Variants in SMARCA4 observed in about 807,000 individuals in gnomAD.
SMARCA4 encodes the protein SWI/SNF-related matrix-associated actin-dependent regulator of chromatin subfamily A member 4.
In SMARCA4, 31 loss-of-function variants were observed where a neutral mutation model predicts 193.9. That is an observed-to-expected ratio of 0.16 (90% CI 0.12 to 0.22). SMARCA4 has a LOEUF of 0.22. Ranked by LOEUF, SMARCA4 falls within the 10% of genes least tolerant of loss-of-function variation. SMARCA4 has a pLI of 1.00. For missense variants in SMARCA4, 1,148 were observed against 2,296.0 expected (o/e 0.50, Z 10.22); for synonymous variants, 942 against 933.1 (o/e 1.01, Z -0.17).
chr19:10,982,416 G>A (rs1316108538), intron 1 of SMARCA4, among the ~76,000 whole-genome samples: 4 of 152,110 alleles, frequency 2.6e-5, no homozygotes, highest in East Asian at 3.9e-4. Flanking sequence ...GGAGGTTGCC[G>A]TAAGCCAAGA....
intron 1 of SMARCA4, among the ~76,000 whole-genome samples, chr19:10,972,315 C>T (rs183714645): frequency 1.2e-3 from 179 of 151,942 alleles, no homozygotes; most frequent in Admixed American, 2.9e-3. Context: ...AGGCTGGTCT[C>T]GAACCCCTGA....
intron 30 of SMARCA4, among the ~76,000 whole-genome samples, chr19:11,048,047 G>A (rs1028676757): frequency 6.6e-5 from 10 of 152,054 alleles, no homozygotes; most frequent in South Asian, 2.1e-4. Flanking sequence ...CCTCGCCACC[G>A]ACTGCATGGC....
rs1460950021 is a variant in SMARCA4 at position 11,003,126 on chromosome 19, G to C, written c.1910G>C (p.Gly637Ala). The C allele has an allele frequency of 1.2e-6, 2 of 1,614,146 alleles. No individual in the cohort carries two copies. Among genetic ancestry groups the C allele is most frequent in the East Asian group, 2.2e-5 (1 of 44,884 alleles). The change falls in exon 12 of 35, where the codon GGG (glycine) becomes GCG (alanine). Residue 637 changes from glycine to alanine, a missense_variant. This residue lies in a region of SMARCA4 where 115 missense variants were observed against 175.1 expected (regional missense o/e 0.66). Coordinates refer to ENST00000344626, the MANE Select transcript of SMARCA4 (RefSeq NM_003072.5). ...ILTGTDAPKAGQLEAWLEMNP... is the reference protein window; with the variant it reads ...ILTGTDAPKAAQLEAWLEMNP... Reference sequence around the variant, plus strand: ...ACAGGCACAGATGCCCCCAAAGCCGGGCAGCTGGAGGCCTGGCTCGAGATG... The same window carrying C: ...ACAGGCACAGATGCCCCCAAAGCCGCGCAGCTGGAGGCCTGGCTCGAGATG...
At position 11,031,004 on chromosome 19, in the gene SMARCA4, C is replaced by T. The variant is rs1417146680; in HGVS notation, c.3546+111C>T. On this transcript the variant is annotated intron_variant, in intron 25 of 34. Transcript: ENST00000344626. The surrounding 1 kb of genome is among the most constrained non-coding windows in gnomAD (Gnocchi z 4.3). The stretch of plus-strand genomic sequence containing the variant: ...CCAGCCTCCTCCACATTGTCTTGGA[C>T]CCCAGGAGCCGGGAGGAGCTGCACC... 1 of 1,036,668 alleles carries T rather than the reference C, an allele frequency of 9.6e-7. No homozygotes were observed. The highest frequency in any genetic ancestry group is 1.4e-5 in the South Asian group (1 of 73,588). 64.2% of individuals were successfully genotyped at this position (1,036,668 alleles called of 1,614,324 possible). A position where few individuals can be genotyped will look rare whatever the true frequency, so the allele number is the denominator to read the frequency against.
intron 1 of SMARCA4, among the ~76,000 whole-genome samples, chr19:10,972,261 A>G (rs1480309835): frequency 6.6e-6 from 1 of 151,074 alleles, no homozygotes; most frequent in African/African-American, 2.4e-5. Flanking sequence ...GCCTGGTCCT[A>G]ATTTTTTTAT....
At chr19:11,001,518 A>G (rs540086079) in intron 11 of SMARCA4, among the ~76,000 whole-genome samples, 12 of 152,284 alleles carry the variant, frequency 7.9e-5, no homozygotes, top group African/African-American at 2.6e-4. Flanking sequence ...GAGGAGTTCA[A>G]TCAGAATTTT....
intron 11 of SMARCA4, among the ~76,000 whole-genome samples, chr19:10,999,514 T>C (rs2087422138): frequency 6.6e-6 from 1 of 152,032 alleles, no homozygotes; most frequent in Non-Finnish European, 1.5e-5. Context: ...AAAAATTAGT[T>C]GGGTGTAGTG....
intron 1 of SMARCA4, among the ~76,000 whole-genome samples, chr19:10,969,690 G>A (rs538607264): frequency 3.9e-4 from 60 of 151,900 alleles, no homozygotes; most frequent in Admixed American, 1.5e-3. Flanking sequence ...TCAGCCTCCC[G>A]AAGTGCTGGG....
At chr19:10,982,755 T>C (rs1160590658) in intron 1 of SMARCA4, among the ~76,000 whole-genome samples, 2 of 152,048 alleles carry the variant, frequency 1.3e-5, no homozygotes, top group South Asian at 2.1e-4. Flanking sequence ...CTGCCCGCCT[T>C]GGCCTCCCAA....
rs983207652 is a variant in SMARCA4 at position 10,985,058 on chromosome 19, G to T, written c.223-215G>T. Reference sequence around the variant, plus strand: ...CTTGACCACAGTCTCCCATATGCTCGTGCTCCACTGGGCGACATTTATTTT... The same window carrying T: ...CTTGACCACAGTCTCCCATATGCTCTTGCTCCACTGGGCGACATTTATTTT... On this transcript the variant is annotated intron_variant, in intron 2 of 34. Transcript: ENST00000344626. This position sits in a 1 kb window ranked among gnomAD's most constrained non-coding sequence, Gnocchi z 4.5. Among the ~76,000 whole-genome samples, 2 of 152,136 alleles carry T rather than the reference G, an allele frequency of 1.3e-5. No homozygotes were observed. The highest frequency in any genetic ancestry group is 4.8e-5 in the African/African-American group (2 of 41,424).
At chr19:11,048,829 C>T (rs1312898707) in intron 30 of SMARCA4, among the ~76,000 whole-genome samples, 3 of 152,190 alleles carry the variant, frequency 2.0e-5, no homozygotes, top group African/African-American at 7.2e-5. Context: ...CTGTGTTGAC[C>T]TCATCATACG....
chr19:11,047,327 C>T (rs2075994769), intron 30 of SMARCA4, among the ~76,000 whole-genome samples: 1 of 152,060 alleles, frequency 6.6e-6, no homozygotes, highest in Non-Finnish European at 1.5e-5. Context: ...TTGTCTCCTC[C>T]CTGTGGAGTT....
chr19:10,966,856 C>G (rs1422834968), intron 1 of SMARCA4, among the ~76,000 whole-genome samples: 4 of 148,870 alleles, frequency 2.7e-5, no homozygotes, highest in Non-Finnish European at 5.9e-5. Flanking sequence ...CCGCTGCACT[C>G]CAGCCTGGGC....
chr19:11,007,761 A>G (rs148993527), intron 13 of SMARCA4, 141 bp from the exon 14 acceptor site: 2 of 745,672 alleles, frequency 2.7e-6, no homozygotes, highest in African/African-American at 3.5e-5. Flanking sequence ...TGTAAATAAT[A>G]AACAGCACAC....
At position 10,977,042 on chromosome 19, in the gene SMARCA4, C is replaced by T. The variant is rs908281420; in HGVS notation, c.-31-7079C>T. ...ACTGCGCTAAGCCTGGGTGACAGAG[C>T]GAGACTCTGTCTCCAAAACAAATAA... is the stretch of plus-strand genomic sequence containing the variant. On this transcript the variant is annotated intron_variant, in intron 1 of 34. Transcript: ENST00000344626. Among the ~76,000 whole-genome samples the T allele has an allele frequency of 7.9e-4, 121 of 152,214 alleles. 2 individuals carry two copies. The highest frequency in any genetic ancestry group is 4.2e-4 in the South Asian group (2 of 4,808).
intron 25 of SMARCA4, chr19:11,032,932 T>C: frequency 2.7e-6 from 1 of 376,688 alleles, no homozygotes; most frequent in Non-Finnish European, 5.1e-6. Flanking sequence ...CCCCCTGTTG[T>C]AAATGGTGCT....
chr19:10,980,329 G>A (rs568761548), intron 1 of SMARCA4, among the ~76,000 whole-genome samples: 26 of 152,030 alleles, frequency 1.7e-4, no homozygotes, highest in African/African-American at 6.0e-4. Flanking sequence ...TGCCTTATTC[G>A]GGCACAAAAT....
At chr19:10,977,103 G>A (rs750124464) in intron 1 of SMARCA4, among the ~76,000 whole-genome samples, 1 of 152,172 alleles carries the variant, frequency 6.6e-6, no homozygotes, top group South Asian at 2.1e-4. Context: ...CTTGGCAGCC[G>A]GCCAAATCTG....
chr19:11,048,697 G>A (rs2076088779), intron 30 of SMARCA4, among the ~76,000 whole-genome samples: 1 of 152,212 alleles, frequency 6.6e-6, no homozygotes, highest in Non-Finnish European at 1.5e-5. Context: ...GACCCTTTTG[G>A]AGAGGCAGGG....
Sources: gnomAD v4.1 joint callset for allele counts (sites outside exome capture counted in the v4.1 genomes callset) on GRCh38, gnomAD v4.1.1 for gene constraint, gnomAD v4.1.1 regional missense constraint, Gnocchi (gnomAD v3.1) non-coding constraint, MANE v1.5 for transcripts, NCBI Gene and HGNC (gene_info 2026-07-23, HGNC 2026-07-21) for gene names.